Variants in DSCAML1 observed in about 807,000 individuals in gnomAD.
DSCAML1 encodes cell adhesion molecule DSCAML1.
DSCAML1 carries 38 observed loss-of-function variants against 200.5 expected under a neutral mutation model. That is an observed-to-expected ratio of 0.19 (90% CI 0.15 to 0.25). DSCAML1 has a LOEUF of 0.25. Ranked by LOEUF, DSCAML1 falls within the 10% of genes least tolerant of loss-of-function variation. The pLI is 1.00. For missense variants in DSCAML1, 2,223 were observed against 2,858.8 expected, an observed-to-expected ratio of 0.78 and a Z score of 5.07; for synonymous variants, 1,215 against 1,165.0, an observed-to-expected ratio of 1.04 and a Z score of -0.87.
chr11:117,454,120 C>T (rs1018782532), intron 19 of DSCAML1, among the ~76,000 whole-genome samples: 2 of 152,178 alleles, frequency 1.3e-5, no homozygotes, highest in Non-Finnish European at 2.9e-5. Context: ...GCTCCATTCT[C>T]TGTCTCTTCT....
chr11:117,701,452 T>C (rs1043631979), intron 3 of DSCAML1, among the ~76,000 whole-genome samples: 2 of 152,002 alleles, frequency 1.3e-5, no homozygotes, highest in African/African-American at 2.4e-5. Context: ...AAATCCCAAT[T>C]AACACTTCTG....
At chr11:117,804,251 C>G (rs1236912816) in intron 1 of DSCAML1, among the ~76,000 whole-genome samples, 1 of 152,238 alleles carries the variant, frequency 6.6e-6, no homozygotes, top group Non-Finnish European at 1.5e-5. Context: ...GTTACAGAAT[C>G]TGAGAGGGGG....
chr11:117,435,814 A>G lies in DSCAML1; in HGVS notation c.4721-15T>C. The G allele has an allele frequency of 6.3e-7, 1 of 1,595,764 alleles. No homozygotes were observed. The highest frequency in any genetic ancestry group is 1.1e-5 in the South Asian group (1 of 90,230). On this transcript the variant is annotated splice_polypyrimidine_tract_variant and intron_variant, in intron 26 of 32. Coordinates refer to ENST00000651296, the MANE Select transcript of DSCAML1 (RefSeq NM_020693.4). Reference sequence around the variant, plus strand: ...TGGAATGGTGCCTGAATGAGGGCAAAGAATAGAATTAGATGTCCCTTATGA... The same window carrying G: ...TGGAATGGTGCCTGAATGAGGGCAAGGAATAGAATTAGATGTCCCTTATGA...
At position 117,432,348 on chromosome 11, in the gene DSCAML1, G is replaced by A. The variant is rs369981758; in HGVS notation, c.5179+4C>T. The A allele has an allele frequency of 3.6e-5, 58 of 1,612,356 alleles. No homozygotes were observed. The highest frequency in any genetic ancestry group is 4.5e-5 in the Non-Finnish European group (53 of 1,179,268). On this transcript the variant is annotated splice_donor_region_variant and intron_variant, in intron 30 of 32. Transcript: ENST00000651296. ...AGGGCTGTCTCCCTGGGGATAATGCGTACTGGTTCCTGGCCGGATGTCAGA... is the reference window on the plus strand; with the variant it reads ...AGGGCTGTCTCCCTGGGGATAATGCATACTGGTTCCTGGCCGGATGTCAGA...
At chr11:117,757,815 ACC>A (rs2137884018) in intron 3 of DSCAML1, among the ~76,000 whole-genome samples, 2 of 152,186 alleles carry the variant, frequency 1.3e-5, no homozygotes, top group Non-Finnish European at 2.9e-5. Context: ...ACATGGACAA[ACC>A]CTGTCTCTAC....
chr11:117,653,388 G>A (rs1276004337), intron 3 of DSCAML1, among the ~76,000 whole-genome samples: 1 of 152,190 alleles, frequency 6.6e-6, no homozygotes, highest in Non-Finnish European at 1.5e-5. Flanking sequence ...ATCCTGGAGG[G>A]GAATCCTGGG....
rs935781578 is a variant in DSCAML1 at position 117,505,312 on chromosome 11, A to G, written c.2062+142T>C. ...TCGGTTTCCTGCCCTGGAAAATAAG[A>G]GGTTTAGGCTCCAACAGGCCCTTCA... On this transcript the variant is annotated intron_variant, in intron 9 of 32. Transcript: ENST00000651296. The surrounding 1 kb of genome is among the most constrained non-coding windows in gnomAD (Gnocchi z 6.7). 1.3e-5 allele frequency: 16 copies of G among 1,197,338 alleles called. No individual in the cohort carries two copies. Among genetic ancestry groups the G allele is most frequent in the Admixed American group, 1.1e-4 (4 of 36,908 alleles). 74.2% of individuals were successfully genotyped at this position (1,197,338 alleles called of 1,614,324 possible).
chr11:117,545,237 ACACACACACACACACACAC>A (rs2050350192), intron 3 of DSCAML1, among the ~76,000 whole-genome samples: 1 of 99,690 alleles, frequency 1.0e-5, no homozygotes, highest in African/African-American at 3.7e-5. Context: ...AAAAAAAAAC[ACACACACACACACACACAC>A]ACACAAAACA....
At chr11:117,547,443 G>A (rs1293870185) in intron 3 of DSCAML1, among the ~76,000 whole-genome samples, 2 of 152,080 alleles carry the variant, frequency 1.3e-5, no homozygotes, top group Admixed American at 1.3e-4. Context: ...TCTAAGGCGC[G>A]GCCCCACCCT....
At chr11:117,694,482 G>C (rs1184356445) in intron 3 of DSCAML1, among the ~76,000 whole-genome samples, 3 of 152,076 alleles carry the variant, frequency 2.0e-5, no homozygotes, top group Non-Finnish European at 4.4e-5. Flanking sequence ...AAAATAGAGA[G>C]AAACTAAGGT....
intron 3 of DSCAML1, among the ~76,000 whole-genome samples, chr11:117,759,973 G>A (rs1772601388): frequency 6.6e-6 from 1 of 152,034 alleles, no homozygotes; most frequent in African/African-American, 2.4e-5. Flanking sequence ...AATAAATAGG[G>A]CAAAGAGGGC....
At chr11:117,601,253 A>C (rs1471868187) in intron 3 of DSCAML1, among the ~76,000 whole-genome samples, 1 of 151,968 alleles carries the variant, frequency 6.6e-6, no homozygotes, top group Non-Finnish European at 1.5e-5. Flanking sequence ...TGTCCTCAGA[A>C]ACAGAGAGAC....
chr11:117,479,120 C>CA, intron 14 of DSCAML1, among the ~76,000 whole-genome samples: 1 of 152,360 alleles, frequency 6.6e-6, no homozygotes, highest in East Asian at 1.9e-4. Context: ...TGTGGCTGGG[C>CA]CCTGTGCCAG....
intron 31 of DSCAML1, 50 bp from the exon 32 acceptor site, chr11:117,431,083 G>C (rs1405434310): frequency 1.3e-6 from 2 of 1,524,712 alleles, no homozygotes; most frequent in Non-Finnish European, 1.8e-6. Context: ...GGGTATAAGT[G>C]AGACTGACTG....
rs560786607 is a variant in DSCAML1 at position 117,694,172 on chromosome 11, G to A, written c.511+82619C>T. On this transcript the variant is annotated intron_variant, in intron 3 of 32. Transcript: ENST00000651296. ...AATCCCAGCACTTTGAGAGGCTGAG[G>A]TGGATGGATCACTTGAGGTCAGGAG... Among the ~76,000 whole-genome samples, 4 of 151,370 alleles carry A rather than the reference G, an allele frequency of 2.6e-5. No individual in the cohort carries two copies. In the South Asian group the frequency reaches 8.3e-4, roughly 31 times the overall value.
At position 117,566,358 on chromosome 11, in the gene DSCAML1, T is replaced by C. The variant is rs4999136; in HGVS notation, c.512-33836A>G. The stretch of plus-strand genomic sequence containing the variant: ...CTTTTCTTTCTCTCTCTCTCTCTCT[T>C]TTTTTTTTTTCTAGGGCCTTGCTCT... On this transcript the variant is annotated intron_variant, in intron 3 of 32. Transcript: ENST00000651296. 1.6e-4 allele frequency among the ~76,000 whole-genome samples: 12 copies of C among 73,162 alleles called. No individual in the cohort carries two copies. The South Asian group carries it at 2.2e-3, about 13-fold the overall frequency. The allele number at this position is 73,162 out of a possible 152,430, so 48.0% of individuals were successfully genotyped here. A position where few individuals can be genotyped will look rare whatever the true frequency, so the allele number is the denominator to read the frequency against.
intron 1 of DSCAML1, among the ~76,000 whole-genome samples, chr11:117,816,581 C>T (rs751095641): frequency 2.0e-4 from 31 of 152,272 alleles, no homozygotes; most frequent in Non-Finnish European, 2.5e-4. Context: ...CCGAGCAGAG[C>T]GGAGGGAGGG....
At chr11:117,617,680 G>GCACACACACACACACA (rs36207373) in intron 3 of DSCAML1, among the ~76,000 whole-genome samples, 10 of 143,014 alleles carry the variant, frequency 7.0e-5, no homozygotes, top group African/African-American at 2.6e-4. Flanking sequence ...ACAGGTACAC[G>GCACACACACACACACA]CACACACACA....
At chr11:117,649,188 C>T (rs1411856627) in intron 3 of DSCAML1, among the ~76,000 whole-genome samples, 2 of 151,942 alleles carry the variant, frequency 1.3e-5, no homozygotes, top group African/African-American at 4.8e-5. Context: ...AGCAAGCCTC[C>T]TGCCTCAGCC....
Sources: allele counts gnomAD v4.1 joint callset (sites outside exome capture counted in the v4.1 genomes callset), GRCh38; gene constraint gnomAD v4.1.1; non-coding constraint Gnocchi (gnomAD v3.1); transcripts MANE v1.5; gene names NCBI Gene and HGNC (gene_info 2026-07-23, HGNC 2026-07-21).